Variants in ELAPOR2 observed in about 807,000 individuals in gnomAD.
The protein encoded by ELAPOR2 is endosome/lysosome-associated apoptosis and autophagy regulator family member 2.
A neutral mutation model predicts 120.7 loss-of-function variants in ELAPOR2; 89 were observed. The observed-to-expected ratio is 0.74, with a 90% CI of 0.62 to 0.88. The LOEUF is 0.88. Ranked by LOEUF, ELAPOR2 falls within the 40% of genes least tolerant of loss-of-function variation. The pLI is 0.00. For missense variants in ELAPOR2, 1,134 were observed against 1,251.6 expected, an observed-to-expected ratio of 0.91 and a Z score of 1.42; for synonymous variants, 444 against 444.9, an observed-to-expected ratio of 1.00 and a Z score of 0.03.
rs780177017 is a variant in ELAPOR2 at position 86,912,237 on chromosome 7, C to A, written c.2004G>T (p.Ser668=). 1.9e-6 allele frequency: 3 copies of A among 1,580,222 alleles called. No individual in the cohort carries two copies. The highest frequency in any genetic ancestry group is 2.6e-6 in the Non-Finnish European group (3 of 1,154,254). Residue 668 remains serine (S), a synonymous_variant, in exon 15 of 22, where the codon TCG becomes TCT. Coordinates refer to ENST00000450689, the MANE Select transcript of ELAPOR2 (RefSeq NM_001142749.3). ...GPGSKNNQDH[S]VCYSDCFFYH... Reference sequence around the variant, plus strand: ...AGAAAAAGCAGTCACTATAGCAAACCGAATGGTCCTTTGATTAAAGATAAA... The same window carrying A: ...AGAAAAAGCAGTCACTATAGCAAACAGAATGGTCCTTTGATTAAAGATAAA...
chr7:86,957,592 G>GA (rs921138874), intron 2 of ELAPOR2, among the ~76,000 whole-genome samples: 2 of 151,418 alleles, frequency 1.3e-5, no homozygotes, highest in Non-Finnish European at 2.9e-5. Context: ...TAAGTATGGG[G>GA]AAAAAAAACA....
intron 18 of ELAPOR2, among the ~76,000 whole-genome samples, chr7:86,906,220 ACT>A (rs1352762600): frequency 6.6e-6 from 1 of 151,678 alleles, no homozygotes; most frequent in African/African-American, 2.4e-5. Flanking sequence ...TGAAAGACAC[ACT>A]CTTTTATTGC....
At chr7:86,905,882 G>A in intron 18 of ELAPOR2, among the ~76,000 whole-genome samples, 1 of 152,100 alleles carries the variant, frequency 6.6e-6, no homozygotes, top group African/African-American at 2.4e-5. Flanking sequence ...GAGGTCAAAG[G>A]AGAAACAAGT....
At chr7:87,018,116 C>T (rs1464215440) in intron 1 of ELAPOR2, among the ~76,000 whole-genome samples, 1 of 152,056 alleles carries the variant, frequency 6.6e-6, no homozygotes, top group Non-Finnish European at 1.5e-5. Flanking sequence ...TCTCAGCTCA[C>T]TGCAACCTCT....
chr7:86,898,660 A>G (rs1788563528), intron 18 of ELAPOR2, among the ~76,000 whole-genome samples: 2 of 152,118 alleles, frequency 1.3e-5, no homozygotes, highest in African/African-American at 4.8e-5. Context: ...AGAATAGAAA[A>G]GAAGAAAGCA....
chr7:86,935,019 G>A (rs887639333), intron 8 of ELAPOR2, among the ~76,000 whole-genome samples: 9 of 151,944 alleles, frequency 5.9e-5, no homozygotes, highest in African/African-American at 2.2e-4. Flanking sequence ...CTCACCGGGA[G>A]AAGGGCATTA....
At chr7:86,912,911 T>C (rs1440418318) in intron 14 of ELAPOR2, 30 bp downstream of exon 14, 10 of 1,607,346 alleles carry the variant, frequency 6.2e-6, no homozygotes, top group Admixed American at 1.7e-5. Context: ...TGTGCTTTCA[T>C]GGGGATACCT....
chr7:86,990,751 T>C (rs1792918815), intron 1 of ELAPOR2, among the ~76,000 whole-genome samples: 1 of 152,182 alleles, frequency 6.6e-6, no homozygotes, highest in African/African-American at 2.4e-5. Flanking sequence ...AAATAGCTAG[T>C]GGGCCAAGAG....
Position 86,913,092 on chromosome 7 carries a change from C to T in ELAPOR2, c.1844G>A (p.Gly615Asp). 6.2e-7 allele frequency: 1 copy of T among 1,614,050 alleles called. No individual in the cohort carries two copies. Residue 615 changes from glycine (G) to aspartate (D), a missense_variant, in exon 14 of 22, where the codon GGT becomes GAT. Gly to Asp is a moderately conservative substitution (Grantham distance 94). Coordinates refer to ENST00000450689, the MANE Select transcript of ELAPOR2 (RefSeq NM_001142749.3). ...RACALGSEQS[G>D]SSCVPCPPGH... ...TGGAGGGCAGGGGACACACGATGAA[C>T]CCGACTGTTCAGAACCGAGGGCACA...
intron 2 of ELAPOR2, among the ~76,000 whole-genome samples, chr7:86,961,267 G>C (rs1477979086): frequency 1.3e-5 from 2 of 152,156 alleles, no homozygotes; most frequent in African/African-American, 4.8e-5. Context: ...AGAAAGTGGT[G>C]TGTTGTATAG....
intron 16 of ELAPOR2, 92 bp from the exon 17 acceptor site, chr7:86,908,635 C>A: frequency 1.7e-6 from 1 of 575,460 alleles, no homozygotes. Context: ...GCTTTAATGA[C>A]TGTCATTTTA....
At chr7:86,883,122 A>T (rs140488961) in intron 21 of ELAPOR2, among the ~76,000 whole-genome samples, 1 of 151,154 alleles carries the variant, frequency 6.6e-6, no homozygotes, top group African/African-American at 2.4e-5. Flanking sequence ...ATTGTGTCTA[A>T]TTTGACGTAA....
At chr7:87,022,323 T>C (rs984879660) in intron 1 of ELAPOR2, among the ~76,000 whole-genome samples, 1 of 146,506 alleles carries the variant, frequency 6.8e-6, no homozygotes, top group Admixed American at 7.1e-5. Context: ...AGTGAGAACA[T>C]GTGGTGTTTG....
chr7:86,895,775 A>C (rs977338111), intron 19 of ELAPOR2, among the ~76,000 whole-genome samples: 1 of 152,148 alleles, frequency 6.6e-6, no homozygotes, highest in African/African-American at 2.4e-5. Context: ...AAGATCATTC[A>C]GCTATTCAAA....
intron 1 of ELAPOR2, among the ~76,000 whole-genome samples, chr7:87,044,391 A>T (rs1486424880): frequency 1.0e-5 from 1 of 96,676 alleles, no homozygotes; most frequent in African/African-American, 4.4e-5. Context: ...ACAGCATGGT[A>T]CTGGTACCAA....
At chr7:86,985,316 C>G (rs1012941905) in intron 1 of ELAPOR2, among the ~76,000 whole-genome samples, 31 of 152,254 alleles carry the variant, frequency 2.0e-4, no homozygotes, top group African/African-American at 7.5e-4. Flanking sequence ...AACAGAAAAA[C>G]AGGGAATCCT....
chr7:86,932,636 T>C (rs1790378263), intron 8 of ELAPOR2, among the ~76,000 whole-genome samples: 1 of 151,942 alleles, frequency 6.6e-6, no homozygotes, highest in Non-Finnish European at 1.5e-5. Context: ...GAGACAACTT[T>C]TGTGGATATG....
intron 12 of ELAPOR2, among the ~76,000 whole-genome samples, chr7:86,917,695 C>T (rs16888246): frequency 0.059 from 8,954 of 152,068 alleles, 882 homozygotes; most frequent in African/African-American, 0.2. Context: ...ACAAAGTCTG[C>T]CTTCATTTAA....
At chr7:87,044,952 T>C (rs916007614) in intron 1 of ELAPOR2, among the ~76,000 whole-genome samples, 1 of 147,448 alleles carries the variant, frequency 6.8e-6, no homozygotes, top group Non-Finnish European at 1.5e-5. Context: ...GCGAAGGACA[T>C]GAACAGACAC....
Sources: allele counts gnomAD v4.1 joint callset (sites outside exome capture counted in the v4.1 genomes callset), GRCh38; gene constraint gnomAD v4.1.1; transcripts MANE v1.5; gene names NCBI Gene and HGNC (gene_info 2026-07-23, HGNC 2026-07-21).